Variants in MRAP2 observed in about 807,000 individuals in gnomAD.
MRAP2 encodes melanocortin-2 receptor accessory protein 2.
MRAP2 carries 20 observed loss-of-function variants against 17.4 expected under a neutral mutation model. The ratio of observed to expected loss-of-function variants is 1.15; its 90% CI spans 0.81 to 1.67. The LOEUF is 1.67. Ranked by LOEUF, MRAP2 falls within the 40% of genes most tolerant of loss-of-function variation. The pLI is 0.00. For missense variants in MRAP2, 238 were observed against 240.0 expected, an observed-to-expected ratio of 0.99 and a Z score of 0.05; for synonymous variants, 96 against 88.4, an observed-to-expected ratio of 1.09 and a Z score of -0.48.
chr6:84,065,903 T>G (rs1010483620), intron 3 of MRAP2, among the ~76,000 whole-genome samples: 1 of 152,084 alleles, frequency 6.6e-6, no homozygotes, highest in African/African-American at 2.4e-5. Context: ...GACACTGCCT[T>G]TGGACTGTCT....
the MRAP2 span, among the ~76,000 whole-genome samples, chr6:84,119,646 T>TAA: frequency 2.6e-5 from 4 of 152,334 alleles, no homozygotes; most frequent in African/African-American, 9.6e-5. Context: ...TTATATTCCT[T>TAA]AAGTTTTCCA....
At chr6:84,129,840 T>C in the MRAP2 span, among the ~76,000 whole-genome samples, 1 of 152,204 alleles carries the variant, frequency 6.6e-6, no homozygotes, top group African/African-American at 2.4e-5. Context: ...CCTATGTGAC[T>C]ACCCTTTATT....
the MRAP2 span, among the ~76,000 whole-genome samples, chr6:84,105,743 G>A: frequency 1.7e-4 from 26 of 152,100 alleles, no homozygotes; most frequent in African/African-American, 4.6e-4. Flanking sequence ...CTTCCTTCTT[G>A]GTCTGTTGAC....
At chr6:84,139,600 A>C in the MRAP2 span, among the ~76,000 whole-genome samples, 2 of 152,180 alleles carry the variant, frequency 1.3e-5, no homozygotes, top group South Asian at 4.1e-4. Flanking sequence ...AATCCTAGCA[A>C]AACTGGCAGA....
At chr6:84,060,987 C>T (rs1237056200) in intron 2 of MRAP2, among the ~76,000 whole-genome samples, 1 of 151,930 alleles carries the variant, frequency 6.6e-6, no homozygotes, top group African/African-American at 2.4e-5. Context: ...GCGTGAGCCA[C>T]TGCGCCTGGC....
At chr6:84,039,986 A>G (rs1321736927) in intron 1 of MRAP2, among the ~76,000 whole-genome samples, 2 of 150,396 alleles carry the variant, frequency 1.3e-5, no homozygotes, top group Non-Finnish European at 2.9e-5. Flanking sequence ...AAGATCAACT[A>G]TCTAATATAA....
rs571881533 is a variant in MRAP2 at position 84,066,890 on chromosome 6, G to A, written c.227+3898G>A. 4.6e-5 allele frequency among the ~76,000 whole-genome samples: 7 copies of A among 152,206 alleles called. No individual in the cohort carries two copies. In the East Asian group the frequency reaches 1.4e-3, roughly 29 times the overall value. On this transcript the variant is annotated intron_variant, in intron 3 of 3. Coordinates refer to ENST00000257776, the MANE Select transcript of MRAP2 (RefSeq NM_138409.4). Reference sequence around the variant, plus strand: ...GAGATGTTAGCAAGCAACCAGATTTGTTATTTTTTCCATAAATTATTGGGG... The same window carrying A: ...GAGATGTTAGCAAGCAACCAGATTTATTATTTTTTCCATAAATTATTGGGG...
chr6:84,039,483 A>C (rs1274743434), intron 1 of MRAP2, among the ~76,000 whole-genome samples: 1 of 152,158 alleles, frequency 6.6e-6, no homozygotes, highest in Admixed American at 6.5e-5. Context: ...CCTTGCAATC[A>C]TGATTCTGCA....
chr6:84,141,126 G>T, the MRAP2 span, among the ~76,000 whole-genome samples: 1 of 152,174 alleles, frequency 6.6e-6, no homozygotes, highest in Non-Finnish European at 1.5e-5. Context: ...CTCATCTGCT[G>T]AGAGGCCTGG....
At chr6:84,036,981 G>A (rs1216760403) in intron 1 of MRAP2, among the ~76,000 whole-genome samples, 3 of 152,024 alleles carry the variant, frequency 2.0e-5, no homozygotes, top group Admixed American at 6.5e-5. Flanking sequence ...GCTGATTGGT[G>A]CATTTACAAA....
chr6:84,090,157 CTT>C lies in MRAP2; in HGVS notation c.*678_*679del, dbSNP rs1263933545. 12 of 152,334 alleles carry C rather than the reference CTT, an allele frequency of 7.9e-5. No homozygotes were observed. The highest frequency in any genetic ancestry group is 2.2e-4 in the African/African-American group (9 of 41,436). The allele number at this position is 152,334 out of a possible 1,614,324, so 9.4% of individuals were successfully genotyped here. ...CCTCTAATATTTTGTGAATTTATGA[CTT>C]TGCCTTCAGATGAGGCTGAGCTATA... On this transcript the variant is annotated 3_prime_UTR_variant, in exon 4 of 4. Coordinates refer to ENST00000257776, the MANE Select transcript of MRAP2 (RefSeq NM_138409.4).
At chr6:84,097,535 C>A in the MRAP2 span, among the ~76,000 whole-genome samples, 3 of 152,032 alleles carry the variant, frequency 2.0e-5, no homozygotes, top group Non-Finnish European at 4.4e-5. Context: ...TATTAGAATA[C>A]CTGTTTGATC....
chr6:84,088,935 C>A (rs929986125), intron 3 of MRAP2, among the ~76,000 whole-genome samples, 156 bp from the exon 4 acceptor site: 1 of 152,128 alleles, frequency 6.6e-6, no homozygotes, highest in Non-Finnish European at 1.5e-5. Context: ...AGGGATTTCT[C>A]TTATTTCTCA....
the MRAP2 span, among the ~76,000 whole-genome samples, chr6:84,140,855 C>G: frequency 6.6e-6 from 1 of 152,128 alleles, no homozygotes. Flanking sequence ...AAATAGCTTA[C>G]TGGTCTAGAG....
chr6:84,111,542 T>A, the MRAP2 span, among the ~76,000 whole-genome samples: 1 of 152,220 alleles, frequency 6.6e-6, no homozygotes, highest in Non-Finnish European at 1.5e-5. Flanking sequence ...AATCATGTCA[T>A]CTGCAAAAAG....
intron 1 of MRAP2, among the ~76,000 whole-genome samples, chr6:84,054,723 A>G (rs1422053516): frequency 6.6e-6 from 1 of 152,164 alleles, no homozygotes; most frequent in Non-Finnish European, 1.5e-5. Context: ...TTCTTCTTAC[A>G]GAACTCTCTG....
intron 2 of MRAP2, among the ~76,000 whole-genome samples, 184 bp downstream of exon 2, chr6:84,055,629 G>A (rs900201193): frequency 1.3e-5 from 2 of 152,090 alleles, no homozygotes; most frequent in Non-Finnish European, 2.9e-5. Context: ...GGTACAGGAG[G>A]GCCTTGGTGA....
the MRAP2 span, among the ~76,000 whole-genome samples, chr6:84,113,120 C>T: frequency 6.6e-6 from 1 of 152,098 alleles, no homozygotes; most frequent in South Asian, 2.1e-4. Context: ...TCCTCTTGGT[C>T]CAGAGCTGAG....
the MRAP2 span, among the ~76,000 whole-genome samples, chr6:84,130,561 C>T: frequency 8.5e-5 from 13 of 152,122 alleles, no homozygotes; most frequent in African/African-American, 1.2e-4. Flanking sequence ...TTCAGGGATT[C>T]GACTTCTTCC....
Sources: allele counts gnomAD v4.1 joint callset (sites outside exome capture counted in the v4.1 genomes callset), GRCh38; gene constraint gnomAD v4.1.1; transcripts MANE v1.5; gene names NCBI Gene and HGNC (gene_info 2026-07-23, HGNC 2026-07-21).